Variants in ZFHX3 observed in about 807,000 individuals in gnomAD.
The protein encoded by ZFHX3 is zinc finger homeobox 3.
A neutral mutation model predicts 279.1 loss-of-function variants in ZFHX3; 42 were observed. That is an observed-to-expected ratio of 0.15 (90% CI 0.12 to 0.19). The LOEUF (loss-of-function observed/expected upper bound fraction) is 0.19. Ranked by LOEUF, ZFHX3 falls within the 10% of genes least tolerant of loss-of-function variation. ZFHX3 has a pLI of 1.00. For missense variants in ZFHX3, 4,981 were observed against 4,754.0 expected, an observed-to-expected ratio of 1.05 and a Z score of -1.40; for synonymous variants, 2,293 against 1,957.8, an observed-to-expected ratio of 1.17 and a Z score of -4.52.
upstream of ZFHX3, among the ~76,000 whole-genome samples, chr16:73,063,255 A>T (rs1965708702): frequency 6.6e-6 from 1 of 152,234 alleles, no homozygotes; most frequent in Non-Finnish European, 1.5e-5. Context: ...AGGTGCAGCC[A>T]CCGGCAGCTG....
chr16:72,856,278 A>G (rs1223160419), intron 4 of ZFHX3, among the ~76,000 whole-genome samples: 3 of 152,238 alleles, frequency 2.0e-5, no homozygotes, highest in Non-Finnish European at 2.9e-5. Context: ...ACTGACAATG[A>G]GCACGCACGT....
At chr16:73,766,493 G>A (rs952534194) in intron 1 of ZFHX3, among the ~76,000 whole-genome samples, 2 of 152,148 alleles carry the variant, frequency 1.3e-5, no homozygotes, top group Non-Finnish European at 2.9e-5. Flanking sequence ...TTTCTGCTTT[G>A]CCAATATCAC....
At chr16:73,832,974 A>G (rs1961038709) in intron 1 of ZFHX3, among the ~76,000 whole-genome samples, 1 of 152,238 alleles carries the variant, frequency 6.6e-6, no homozygotes, top group Non-Finnish European at 1.5e-5. Context: ...GAATGTCTAT[A>G]CCAGCCTTAT....
At chr16:73,076,403 G>T (rs1476137941) in intron 8 of ZFHX3, among the ~76,000 whole-genome samples, 1 of 152,182 alleles carries the variant, frequency 6.6e-6, no homozygotes, top group East Asian at 1.9e-4. Context: ...CCTATACACA[G>T]ATACCTGATA....
intron 3 of ZFHX3, among the ~76,000 whole-genome samples, chr16:73,378,431 A>G (rs1280093433): frequency 6.6e-6 from 1 of 152,112 alleles, no homozygotes; most frequent in African/African-American, 2.4e-5. Context: ...TCTTTCTCAC[A>G]CCACTCCAAT....
intron 5 of ZFHX3, among the ~76,000 whole-genome samples, chr16:73,161,323 C>T (rs536576498): frequency 2.4e-4 from 37 of 152,242 alleles, no homozygotes; most frequent in African/African-American, 7.0e-4. Context: ...TTCATAAAGT[C>T]GTCTCCAACC....
At chr16:73,697,881 A>G (rs752848665) in intron 1 of ZFHX3, among the ~76,000 whole-genome samples, 1 of 152,198 alleles carries the variant, frequency 6.6e-6, no homozygotes, top group Non-Finnish European at 1.5e-5. Flanking sequence ...GAAACGGCCT[A>G]TAAGCAATGG....
intron 7 of ZFHX3, among the ~76,000 whole-genome samples, chr16:73,113,059 G>A (rs1393403081): frequency 1.3e-5 from 2 of 151,920 alleles, no homozygotes; most frequent in South Asian, 2.1e-4. Flanking sequence ...CAAACCAGCC[G>A]GATTAGTCTT....
At chr16:73,618,559 A>C (rs1834848335) in intron 2 of ZFHX3, among the ~76,000 whole-genome samples, 1 of 152,226 alleles carries the variant, frequency 6.6e-6, no homozygotes, top group African/African-American at 2.4e-5. Flanking sequence ...CTATCACCTT[A>C]TGGAGAGATA....
intron 5 of ZFHX3, among the ~76,000 whole-genome samples, chr16:73,222,470 T>A (rs1358373431): frequency 6.6e-6 from 1 of 152,016 alleles, no homozygotes; most frequent in African/African-American, 2.4e-5. Flanking sequence ...AATATTTAAA[T>A]GAGAATTCCT....
chr16:73,682,340 T>G (rs1173700680), intron 1 of ZFHX3, among the ~76,000 whole-genome samples: 1 of 152,122 alleles, frequency 6.6e-6, no homozygotes, highest in Non-Finnish European at 1.5e-5. Flanking sequence ...ATATAAAAAT[T>G]AGGGGTTTTA....
intron 6 of ZFHX3, among the ~76,000 whole-genome samples, chr16:73,141,169 C>T (rs752720369): frequency 3.0e-4 from 46 of 152,196 alleles, no homozygotes; most frequent in African/African-American, 9.4e-4. Context: ...AGATGTTTGC[C>T]GACTGGGTGA....
At position 72,787,052 on chromosome 16, in the gene ZFHX3, T is replaced by TTTTTG. The variant is rs1270992368; in HGVS notation, c.*107_*111dup. The TTTTTG allele has an allele frequency of 9.3e-5, 98 of 1,048,660 alleles. No homozygotes were observed. The highest frequency in any genetic ancestry group is 1.1e-4 in the Non-Finnish European group (93 of 827,590). 65.0% of individuals were successfully genotyped at this position (1,048,660 alleles called of 1,614,324 possible). On this transcript the variant is annotated 3_prime_UTR_variant, in exon 10 of 10. Transcript: ENST00000268489. Reference sequence around the variant, plus strand: ...TTTCTTTTTTTTCTTTTTTTTTTTTTTTTTGTTTTTTGGTTAGAAGCTTTG... The same window carrying TTTTTG: ...TTTCTTTTTTTTCTTTTTTTTTTTTTTTTTGTTTTGTTTTTTGGTTAGAAGCTTTG...
At chr16:73,375,228 A>C (rs971738274) in intron 3 of ZFHX3, among the ~76,000 whole-genome samples, 1 of 152,196 alleles carries the variant, frequency 6.6e-6, no homozygotes, top group African/African-American at 2.4e-5. Context: ...TGTGCATTTC[A>C]ATCGATTGAA....
rs146429388 is a variant in ZFHX3, at chr16:73,489,564, C to T, written c.-1546-33306G>A. On this transcript the variant is annotated intron_variant, in intron 2 of 17. Transcript: ENST00000641206. ...CATTAGATCCAAATTGCAACAAATA[C>T]CAATGCTAGCAATTTGTTTTTCCTA... Among the ~76,000 whole-genome samples, 1,412 of 152,312 alleles carry T rather than the reference C, an allele frequency of 9.3e-3. 13 individuals carry two copies. Among genetic ancestry groups the T allele is most frequent in the Middle Eastern group, 0.017 (5 of 294 alleles).
intron 3 of ZFHX3, among the ~76,000 whole-genome samples, chr16:73,325,649 T>C (rs1002208398): frequency 2.0e-5 from 3 of 151,990 alleles, no homozygotes; most frequent in African/African-American, 7.3e-5. Flanking sequence ...CAAAGATCAA[T>C]CCAACAAGCC....
intron 3 of ZFHX3, among the ~76,000 whole-genome samples, chr16:73,333,102 G>A (rs1425632599): frequency 6.6e-6 from 1 of 151,998 alleles, no homozygotes; most frequent in African/African-American, 2.4e-5. Flanking sequence ...ACATAGACAT[G>A]TAAATACATA....
chr16:72,924,115 G>A (rs1002269269), intron 3 of ZFHX3, among the ~76,000 whole-genome samples: 1 of 152,156 alleles, frequency 6.6e-6, no homozygotes, highest in Non-Finnish European at 1.5e-5. Context: ...ATCAAGGAGA[G>A]GCTCACATTT....
intron 2 of ZFHX3, among the ~76,000 whole-genome samples, chr16:73,584,635 A>G (rs780942086): frequency 6.6e-6 from 1 of 152,226 alleles, no homozygotes; most frequent in Non-Finnish European, 1.5e-5. Context: ...AAATTTTTGT[A>G]AAGTCAAAGA....
Sources: allele counts gnomAD v4.1 joint callset (sites outside exome capture counted in the v4.1 genomes callset), GRCh38; gene constraint gnomAD v4.1.1; transcripts MANE v1.5; gene names NCBI Gene and HGNC (gene_info 2026-07-23, HGNC 2026-07-21).